The following C18orf63 variants were observed in gnomAD, a reference collection of about 807,000 sequenced individuals.
C18orf63 encodes chromosome 18 open reading frame 63.
A neutral mutation model predicts 75.3 loss-of-function variants in C18orf63; 50 were observed. That is an observed-to-expected ratio of 0.66 (90% CI 0.53 to 0.84). C18orf63 has a LOEUF of 0.84. Ranked by LOEUF, C18orf63 falls within the 40% of genes least tolerant of loss-of-function variation. C18orf63 has a pLI of 0.00. For missense variants in C18orf63, 732 were observed against 800.2 expected (o/e 0.91, Z 1.03); for synonymous variants, 232 against 267.6 (o/e 0.87, Z 1.30).
chr18:74,343,567 G>C lies in C18orf63; in HGVS notation c.843G>C (p.Arg281Ser). 2.0e-6 allele frequency: 3 copies of C among 1,534,166 alleles called. No individual in the cohort carries two copies. Among genetic ancestry groups the C allele is most frequent in the Non-Finnish European group, 2.6e-6 (3 of 1,145,626 alleles). The change falls in exon 11 of 14, where the codon AGG becomes AGC. Residue 281 changes from arginine (R) to serine (S), a missense_variant. By Grantham distance (110) the Arg-to-Ser change is moderately radical. Around this residue, in one of 3 missense-constraint regions of C18orf63, gnomAD observed 495 missense variants for 508.7 expected, o/e 0.97. Transcript: ENST00000579455. Reference protein sequence around the residue: ...IRSQPMQFFPRVDSEVVLKSF... With the variant: ...IRSQPMQFFPSVDSEVVLKSF... ...GTCAGCCCATGCAGTTCTTTCCAAG[G>C]GTAGATTCGGAAGTTGTGTTGAAAA...
intron 13 of C18orf63, among the ~76,000 whole-genome samples, chr18:74,356,122 T>A (rs1231134525): frequency 1.3e-5 from 2 of 152,210 alleles, no homozygotes; most frequent in Non-Finnish European, 2.9e-5. Context: ...AGAACATTTT[T>A]AATATTTTAT....
intron 3 of C18orf63, among the ~76,000 whole-genome samples, chr18:74,321,519 G>C (rs879428454): frequency 6.6e-6 from 1 of 151,996 alleles, no homozygotes; most frequent in Admixed American, 6.6e-5. Flanking sequence ...TTCCCAGGCT[G>C]GTCTCGAACT....
chr18:74,330,205 A>G (rs1984281871), intron 6 of C18orf63, among the ~76,000 whole-genome samples: 1 of 152,226 alleles, frequency 6.6e-6, no homozygotes, highest in Non-Finnish European at 1.5e-5. Flanking sequence ...TTTTATTGAA[A>G]TGTAATACAC....
intron 7 of C18orf63, among the ~76,000 whole-genome samples, chr18:74,337,272 G>A (rs956792535): frequency 6.6e-6 from 1 of 152,034 alleles, no homozygotes; most frequent in Non-Finnish European, 1.5e-5. Flanking sequence ...GTTAGCATTC[G>A]CAGTCTCTTG....
intron 3 of C18orf63, among the ~76,000 whole-genome samples, chr18:74,321,730 AC>A (rs1195410018): frequency 2.0e-5 from 3 of 152,184 alleles, no homozygotes; most frequent in Non-Finnish European, 4.4e-5. Flanking sequence ...ATTTTAGAGT[AC>A]TAGTAAATTC....
intron 5 of C18orf63, 44 bp from the exon 6 acceptor site, chr18:74,328,951 T>C (rs988092694): frequency 2.8e-5 from 29 of 1,043,694 alleles, no homozygotes; most frequent in African/African-American, 1.1e-4. Flanking sequence ...AGCATGATTA[T>C]TTATGAGTTG....
chr18:74,337,258 A>G (rs1409229515), intron 7 of C18orf63, among the ~76,000 whole-genome samples: 1 of 152,090 alleles, frequency 6.6e-6, no homozygotes, highest in African/African-American at 2.4e-5. Flanking sequence ...AAGAAATACA[A>G]AGGGTTAGCA....
At chr18:74,329,821 T>G (rs916302679) in intron 6 of C18orf63, among the ~76,000 whole-genome samples, 1 of 152,252 alleles carries the variant, frequency 6.6e-6, no homozygotes, top group African/African-American at 2.4e-5. Context: ...GTGTTTCAGA[T>G]AGACACTTTC....
chr18:74,357,502 A>G lies in C18orf63; in HGVS notation c.*1055A>G, dbSNP rs2144449162. The G allele has an allele frequency of 6.6e-6, 1 of 152,362 alleles. No individual in the cohort carries two copies. The highest frequency in any genetic ancestry group is 2.1e-4 in the South Asian group (1 of 4,830). The allele number at this position is 152,362 out of a possible 1,614,324, so 9.4% of individuals were successfully genotyped here. On this transcript the variant is annotated 3_prime_UTR_variant, in exon 14 of 14. Transcript: ENST00000579455. ...ATATGTTTGATATACGAAATATTATATAATTGTTGTAATATATTTAAAAGA... is the reference window on the plus strand; with the variant it reads ...ATATGTTTGATATACGAAATATTATGTAATTGTTGTAATATATTTAAAAGA...
Position 74,358,052 on chromosome 18 carries a change from T to C in C18orf63, c.*1605T>C, listed in dbSNP as rs934388871. 1 of 152,324 alleles carries C rather than the reference T, an allele frequency of 6.6e-6. No homozygotes were observed. Among genetic ancestry groups the C allele is most frequent in the East Asian group, 1.9e-4 (1 of 5,190 alleles). 9.4% of individuals were successfully genotyped at this position (152,324 alleles called of 1,614,324 possible). ...TCCATACATTCCCAGGCCACCTTCC[T>C]GCTACTGCCCAGTCACTATGCCTCA... On this transcript the variant is annotated 3_prime_UTR_variant, in exon 14 of 14. Coordinates refer to ENST00000579455, the MANE Select transcript of C18orf63 (RefSeq NM_001174123.2).
chr18:74,322,104 C>T (rs562839365), intron 3 of C18orf63, among the ~76,000 whole-genome samples: 22 of 152,246 alleles, frequency 1.4e-4, no homozygotes, highest in African/African-American at 4.8e-4. Flanking sequence ...GATAATTTGT[C>T]GGTTACATTT....
In C18orf63 at chr18:74,353,608, C is replaced by G; in HGVS notation, c.1341C>G (p.Asn447Lys). 6.5e-7 allele frequency: 1 copy of G among 1,536,136 alleles called. No individual in the cohort carries two copies. Among genetic ancestry groups the G allele is most frequent in the Non-Finnish European group, 8.7e-7 (1 of 1,146,864 alleles). The change falls in exon 12 of 14, where the codon AAC (asparagine) becomes AAG (lysine). Residue 447 changes from asparagine to lysine, a missense_variant. Asn to Lys is a moderately conservative substitution (Grantham distance 94, BLOSUM62 0). Around this residue, in one of 3 missense-constraint regions of C18orf63, gnomAD observed 495 missense variants for 508.7 expected, o/e 0.97. Transcript: ENST00000579455. ...PVFKNRLLQM[N>K]KNTSVLGSPK... ...TCAAAAATAGATTGTTACAAATGAA[C>G]AAAAATACCTCAGTACTTGGCAGCC... is the stretch of plus-strand genomic sequence containing the variant.
chr18:74,353,050 TA>T (rs1312638974), intron 11 of C18orf63, among the ~76,000 whole-genome samples, 195 bp from the exon 12 acceptor site: 1 of 152,196 alleles, frequency 6.6e-6, no homozygotes, highest in African/African-American at 2.4e-5. Context: ...GGATAGTATC[TA>T]AAGGAGGATA....
intron 13 of C18orf63, among the ~76,000 whole-genome samples, chr18:74,354,850 A>G (rs1325553290): frequency 2.6e-5 from 4 of 152,230 alleles, no homozygotes; most frequent in African/African-American, 9.6e-5. Context: ...CAGACTATCT[A>G]AAAATAGAAG....
Position 74,356,666 on chromosome 18 carries a change from C to T in C18orf63, c.*219C>T, listed in dbSNP as rs9807253. The T allele has an allele frequency of 0.52, 79,413 of 152,072 alleles. 21,264 individuals are homozygous for T. The highest frequency in any genetic ancestry group is 0.6 in the Middle Eastern group (175 of 294). The allele number at this position is 152,072 out of a possible 1,614,324, so 9.4% of individuals were successfully genotyped here. ...TTAACTAGTCCCCTATTGATAGACA[C>T]TTCAGTTCTTCCCAACTTTTCACTA... is the stretch of plus-strand genomic sequence containing the variant. On this transcript the variant is annotated 3_prime_UTR_variant, in exon 14 of 14. Transcript: ENST00000579455.
chr18:74,341,159 G>A (rs1984476177), intron 8 of C18orf63, among the ~76,000 whole-genome samples: 1 of 151,234 alleles, frequency 6.6e-6, no homozygotes, highest in Non-Finnish European at 1.5e-5. Flanking sequence ...AGCTACTTGG[G>A]AGGCTGAGGC....
chr18:74,318,000 G>A lies in C18orf63; in HGVS notation c.134+1G>A, dbSNP rs1376513350. On this transcript the variant is annotated splice_donor_variant, in intron 2 of 13. Coordinates refer to ENST00000579455, the MANE Select transcript of C18orf63 (RefSeq NM_001174123.2). LOFTEE classifies it high-confidence loss of function. The stretch of plus-strand genomic sequence containing the variant: ...GGACTATACAAATGAAGATGTGCAG[G>A]TAAAAAAATACATCTTATAACTAAG... 2.0e-6 allele frequency: 3 copies of A among 1,476,074 alleles called. No individual in the cohort carries two copies. The highest frequency in any genetic ancestry group is 2.2e-5 in the Admixed American group (1 of 45,534). 91.4% of individuals were successfully genotyped at this position (1,476,074 alleles called of 1,614,324 possible).
chr18:74,325,970 GA>G (rs1230965127), intron 4 of C18orf63, among the ~76,000 whole-genome samples: 1 of 152,306 alleles, frequency 6.6e-6, no homozygotes, highest in Non-Finnish European at 1.5e-5. Flanking sequence ...AGTCTGTGCT[GA>G]TAGATTTTGC....
chr18:74,336,387 AAAAG>A (rs1984391453), intron 7 of C18orf63, among the ~76,000 whole-genome samples: 1 of 152,120 alleles, frequency 6.6e-6, no homozygotes, highest in Non-Finnish European at 1.5e-5. Context: ...AATTAAGAGA[AAAAG>A]AAAATGTCTG....
Sources: gnomAD v4.1 joint callset for allele counts (sites outside exome capture counted in the v4.1 genomes callset) on GRCh38, gnomAD v4.1.1 for gene constraint, gnomAD v4.1.1 regional missense constraint, MANE v1.5 for transcripts, NCBI Gene and HGNC (gene_info 2026-07-23, HGNC 2026-07-21) for gene names.